The following SLC2A9 variants were observed in gnomAD, a reference collection of about 807,000 sequenced individuals.
The protein encoded by SLC2A9 is solute carrier family 2, facilitated glucose transporter member 9.
A neutral mutation model predicts 50.6 loss-of-function variants in SLC2A9; 39 were observed. The ratio of observed to expected loss-of-function variants is 0.77; its 90% CI spans 0.60 to 1.01. The LOEUF is 1.01. SLC2A9 is among the 50% of genes least tolerant of loss of function. The probability of loss-of-function intolerance (pLI) is 0.00; values close to 1 mark genes in which losing one functional copy is unlikely to be tolerated. For missense variants in SLC2A9, 686 were observed against 677.6 expected, an observed-to-expected ratio of 1.01 and a Z score of -0.14; for synonymous variants, 324 against 276.9, an observed-to-expected ratio of 1.17 and a Z score of -1.69.
At chr4:9,890,170 C>A (rs915338059) in intron 9 of SLC2A9, among the ~76,000 whole-genome samples, 3 of 152,188 alleles carry the variant, frequency 2.0e-5, no homozygotes, top group African/African-American at 7.2e-5. Context: ...AGGGTCCACA[C>A]AGGCTGTCTG....
At chr4:9,891,716 A>G (rs1160654607) in intron 8 of SLC2A9, among the ~76,000 whole-genome samples, 3 of 152,202 alleles carry the variant, frequency 2.0e-5, no homozygotes, top group Admixed American at 6.5e-5. Context: ...ATCAGAATCC[A>G]TGGCTTTTCT....
chr4:9,828,892 G>C (rs1725568441), intron 11 of SLC2A9, among the ~76,000 whole-genome samples: 1 of 152,170 alleles, frequency 6.6e-6, no homozygotes, highest in Non-Finnish European at 1.5e-5. Context: ...CCAGAGCCCG[G>C]AGAGTCTCTG....
intron 11 of SLC2A9, among the ~76,000 whole-genome samples, chr4:9,830,523 A>C (rs1032765197): frequency 2.0e-5 from 3 of 152,204 alleles, no homozygotes; most frequent in African/African-American, 7.2e-5. Context: ...ACTTAGAATA[A>C]AAGTTGAAGA....
intron 5 of SLC2A9, among the ~76,000 whole-genome samples, chr4:9,944,312 C>A (rs893403669): frequency 5.3e-5 from 8 of 152,230 alleles, no homozygotes; most frequent in African/African-American, 1.9e-4. Flanking sequence ...GGTCTATGCA[C>A]TAGCTGAGAT....
chr4:9,892,210 G>A (rs1043048449), intron 8 of SLC2A9, among the ~76,000 whole-genome samples: 1 of 152,250 alleles, frequency 6.6e-6, no homozygotes, highest in Admixed American at 6.5e-5. Flanking sequence ...AGCCCTGTGG[G>A]TCAGCTGAGC....
chr4:9,963,113 C>A (rs976388600), intron 5 of SLC2A9, among the ~76,000 whole-genome samples: 2 of 152,078 alleles, frequency 1.3e-5, no homozygotes, highest in Non-Finnish European at 2.9e-5. Flanking sequence ...TGGCCAAAGG[C>A]AAAGAAGGAG....
intron 5 of SLC2A9, among the ~76,000 whole-genome samples, chr4:9,947,554 C>T (rs1296102161): frequency 6.6e-6 from 1 of 152,146 alleles, no homozygotes; most frequent in African/African-American, 2.4e-5. Context: ...TTCAGAGAGA[C>T]CGACCTTTCC....
chr4:9,772,240 G>C (rs1288493611), intron 1 of SLC2A9, among the ~76,000 whole-genome samples: 1 of 152,178 alleles, frequency 6.6e-6, no homozygotes, highest in African/African-American at 2.4e-5. Flanking sequence ...ACCTGAATTA[G>C]GAGGTGGCAC....
downstream of SLC2A9, among the ~76,000 whole-genome samples, chr4:9,825,545 T>C (rs369271884): frequency 1.3e-4 from 20 of 151,596 alleles, no homozygotes; most frequent in African/African-American, 3.6e-4. Context: ...TTTTTTTTTT[T>C]CCCACCAAGC....
In SLC2A9 at chr4:9,826,245, T is replaced by C. The variant is rs1004862747; in HGVS notation, c.*152A>G. On this transcript the variant is annotated 3_prime_UTR_variant, in exon 12 of 12. Transcript: ENST00000264784. ...AATGTTAGATTAGTACAGGTTTACT[T>C]TTAAATATTTAATAATATAAAAGAC... 1.2e-5 allele frequency: 9 copies of C among 737,240 alleles called. No individual in the cohort carries two copies. The South Asian group carries it at 1.6e-4, about 13-fold the overall frequency. 45.7% of individuals were successfully genotyped at this position (737,240 alleles called of 1,614,324 possible).
At chr4:9,837,416 T>A (rs1319559460) in intron 10 of SLC2A9, among the ~76,000 whole-genome samples, 1 of 152,226 alleles carries the variant, frequency 6.6e-6, no homozygotes, top group African/African-American at 2.4e-5. Flanking sequence ...GGGAATCAGT[T>A]CACAGCAATT....
rs60285303 is a variant in SLC2A9, at chr4:9,964,106, G to C, written c.681+16486C>G. Among the ~76,000 whole-genome samples, 48 of 152,298 alleles carry C rather than the reference G, an allele frequency of 3.2e-4. No individual in the cohort carries two copies. The East Asian group carries it at 6.8e-3, about 21-fold the overall frequency. ...AGTCAACACTGAATATCGAGGGGGA[G>C]ACATTCGAGAATTCTTACAAAAGAG... On this transcript the variant is annotated intron_variant, in intron 5 of 11. Transcript: ENST00000264784.
intron 7 of SLC2A9, among the ~76,000 whole-genome samples, chr4:9,914,832 G>A (rs1742559072): frequency 1.3e-5 from 2 of 152,080 alleles, no homozygotes; most frequent in African/African-American, 4.8e-5. Flanking sequence ...TCAGTAAAAG[G>A]CTGCTTCCTT....
rs536070136 is a variant in SLC2A9 at position 9,983,664 on chromosome 4, A to T, written c.535+2005T>A. ...ATTGGCAGAGCTGGCCCAGAGCAGAACTGCCCAGCCGACCCACAGAAGTGA... is the reference window on the plus strand; with the variant it reads ...ATTGGCAGAGCTGGCCCAGAGCAGATCTGCCCAGCCGACCCACAGAAGTGA... On this transcript the variant is annotated intron_variant, in intron 4 of 11. Transcript: ENST00000264784. Among the ~76,000 whole-genome samples the T allele has an allele frequency of 2.6e-4, 40 of 152,328 alleles. No homozygotes were observed. In the South Asian group the frequency reaches 7.5e-3, roughly 28 times the overall value.
intron 6 of SLC2A9, among the ~76,000 whole-genome samples, chr4:9,930,570 G>T (rs1413286195): frequency 6.6e-6 from 1 of 152,222 alleles, no homozygotes; most frequent in Non-Finnish European, 1.5e-5. Context: ...CATGGAAGAG[G>T]TTGGTTTTCC....
At chr4:9,836,653 T>G (rs913046989) in intron 10 of SLC2A9, among the ~76,000 whole-genome samples, 1 of 152,154 alleles carries the variant, frequency 6.6e-6, no homozygotes. Flanking sequence ...TTGTAGATCA[T>G]GGAGAGGGGT....
intron 5 of SLC2A9, among the ~76,000 whole-genome samples, chr4:9,979,787 C>T (rs112623245): frequency 1.1e-4 from 17 of 152,154 alleles, no homozygotes; most frequent in African/African-American, 3.4e-4. Flanking sequence ...AGTGAACAGA[C>T]GCTTCATCTC....
chr4:9,882,544 TA>T (rs776482345), intron 10 of SLC2A9, among the ~76,000 whole-genome samples: 2 of 151,850 alleles, frequency 1.3e-5, no homozygotes, highest in Non-Finnish European at 2.9e-5. Context: ...CCATCTCTAC[TA>T]AAAATACAAA....
intron 10 of SLC2A9, among the ~76,000 whole-genome samples, chr4:9,863,151 A>T (rs145529948): frequency 1.9e-4 from 29 of 151,556 alleles, no homozygotes; most frequent in Non-Finnish European, 3.2e-4. Flanking sequence ...GTGTTCAAAA[A>T]TTTTTTTTGT....
Sources: allele counts gnomAD v4.1 joint callset (sites outside exome capture counted in the v4.1 genomes callset), GRCh38; gene constraint gnomAD v4.1.1; transcripts MANE v1.5; gene names NCBI Gene and HGNC (gene_info 2026-07-23, HGNC 2026-07-21).